Variants in HS3ST4 observed in about 807,000 individuals in gnomAD.
HS3ST4 encodes the protein heparan sulfate glucosamine 3-O-sulfotransferase 4.
In HS3ST4, 17 loss-of-function variants were observed where a neutral mutation model predicts 29.2. The observed-to-expected ratio is 0.58, with a 90% CI of 0.40 to 0.87. The LOEUF is 0.87. HS3ST4 is among the 40% of genes least tolerant of loss of function. HS3ST4 has a pLI of 0.00. For missense variants in HS3ST4, 627 were observed against 634.5 expected, an observed-to-expected ratio of 0.99 and a Z score of 0.13; for synonymous variants, 314 against 285.7, an observed-to-expected ratio of 1.10 and a Z score of -1.00.
intron 1 of HS3ST4, among the ~76,000 whole-genome samples, chr16:25,709,801 C>T (rs753716209): frequency 6.6e-6 from 1 of 152,068 alleles, no homozygotes; most frequent in Non-Finnish European, 1.5e-5. Context: ...ATGGAATCTG[C>T]CCCTCAGAAA....
intron 1 of HS3ST4, among the ~76,000 whole-genome samples, chr16:25,839,025 A>G (rs1013300508): frequency 2.0e-5 from 3 of 152,200 alleles, no homozygotes; most frequent in Admixed American, 6.5e-5. Context: ...AAGTTGTCAG[A>G]TAACCATCAC....
intron 1 of HS3ST4, among the ~76,000 whole-genome samples, chr16:25,908,237 A>T (rs1341176788): frequency 6.6e-6 from 1 of 152,234 alleles, no homozygotes; most frequent in Non-Finnish European, 1.5e-5. Flanking sequence ...ATATGAAACA[A>T]TGAGCAGGGA....
chr16:25,836,132 T>A (rs1967354073), intron 1 of HS3ST4, among the ~76,000 whole-genome samples: 1 of 152,038 alleles, frequency 6.6e-6, no homozygotes. Flanking sequence ...CCAGGTGGCC[T>A]CCCCTCGCCA....
At chr16:26,021,616 T>C (rs1424860239) in intron 1 of HS3ST4, among the ~76,000 whole-genome samples, 1 of 152,094 alleles carries the variant, frequency 6.6e-6, no homozygotes, top group Non-Finnish European at 1.5e-5. Flanking sequence ...TGCGGCCCCT[T>C]CCCATACAAA....
intron 1 of HS3ST4, among the ~76,000 whole-genome samples, chr16:25,754,430 C>CCCATCCACCTATCCAT (rs1966742616): frequency 6.6e-6 from 1 of 151,726 alleles, no homozygotes; most frequent in African/African-American, 2.4e-5. Flanking sequence ...TCACCTACCA[C>CCCATCCACCTATCCAT]CCATCCATCT....
chr16:26,008,399 T>C (rs1057142108), intron 1 of HS3ST4, among the ~76,000 whole-genome samples: 3 of 152,212 alleles, frequency 2.0e-5, no homozygotes, highest in African/African-American at 4.8e-5. Context: ...GGCTGTTTTT[T>C]CACCCTGACA....
intron 1 of HS3ST4, among the ~76,000 whole-genome samples, chr16:25,742,710 C>T (rs118102741): frequency 0.027 from 4,035 of 152,214 alleles, 80 homozygotes; most frequent in Non-Finnish European, 0.039. Flanking sequence ...TAGCTGCTGC[C>T]GACCTTTTGT....
At position 25,853,163 on chromosome 16, in the gene HS3ST4, T is replaced by G. The variant is rs1351248394; in HGVS notation, c.734+160012T>G. Among the ~76,000 whole-genome samples the G allele has an allele frequency of 2.0e-5, 3 of 152,180 alleles. No homozygotes were observed. In the East Asian group the frequency reaches 5.8e-4, roughly 29 times the overall value. The stretch of plus-strand genomic sequence containing the variant: ...TAAAATGCTTTTGTAAATGAAATTG[T>G]TTTCTTAATTTCTTTTTAAGAGAGT... On this transcript the variant is annotated intron_variant, in intron 1 of 1. Coordinates refer to ENST00000331351, the MANE Select transcript of HS3ST4 (RefSeq NM_006040.3).
chr16:25,810,304 C>G (rs1967030351), intron 1 of HS3ST4, among the ~76,000 whole-genome samples: 1 of 151,896 alleles, frequency 6.6e-6, no homozygotes, highest in South Asian at 2.1e-4. Context: ...TAGTTTGGTT[C>G]CATTGTGGTG....
chr16:25,883,769 A>C (rs1262166146), intron 1 of HS3ST4, among the ~76,000 whole-genome samples: 1 of 152,212 alleles, frequency 6.6e-6, no homozygotes, highest in Non-Finnish European at 1.5e-5. Flanking sequence ...TGCAGATGGG[A>C]AAACTGAGAC....
At chr16:25,776,992 C>CT (rs1966848084) in intron 1 of HS3ST4, among the ~76,000 whole-genome samples, 1 of 152,240 alleles carries the variant, frequency 6.6e-6, no homozygotes, top group Admixed American at 6.5e-5. Flanking sequence ...TTACAGGATA[C>CT]TTTTTTCCAT....
At chr16:26,056,321 G>T (rs1336094762) in intron 1 of HS3ST4, among the ~76,000 whole-genome samples, 2 of 152,200 alleles carry the variant, frequency 1.3e-5, no homozygotes, top group East Asian at 3.8e-4. Context: ...ATTGGTGCAA[G>T]AATGGCTGTC....
intron 1 of HS3ST4, among the ~76,000 whole-genome samples, chr16:26,086,430 A>G (rs1898788023): frequency 6.6e-6 from 1 of 152,030 alleles, no homozygotes; most frequent in Admixed American, 6.5e-5. Context: ...GCTCACTGCA[A>G]GCTCCGCCTC....
At chr16:25,778,761 G>T (rs1370529847) in intron 1 of HS3ST4, among the ~76,000 whole-genome samples, 1 of 152,002 alleles carries the variant, frequency 6.6e-6, no homozygotes, top group Non-Finnish European at 1.5e-5. Flanking sequence ...AGGAGGAGGA[G>T]AAGAAGGAGA....
chr16:26,006,906 T>C (rs1057439387), intron 1 of HS3ST4, among the ~76,000 whole-genome samples: 7 of 152,232 alleles, frequency 4.6e-5, no homozygotes, highest in Non-Finnish European at 8.8e-5. Context: ...TCATTTAAAC[T>C]ACAAATTAAA....
chr16:25,792,523 T>C (rs1209236531), intron 1 of HS3ST4, among the ~76,000 whole-genome samples: 2 of 151,918 alleles, frequency 1.3e-5, no homozygotes, highest in Non-Finnish European at 2.9e-5. Context: ...CCTGCATCAG[T>C]TTTGCTAAAT....
intron 1 of HS3ST4, among the ~76,000 whole-genome samples, chr16:26,107,044 A>C (rs1366152074): frequency 6.7e-6 from 1 of 149,646 alleles, no homozygotes; most frequent in African/African-American, 2.5e-5. Flanking sequence ...CTCTTTTCCA[A>C]CTCTCTGAGG....
At chr16:25,756,970 C>A (rs1214610357) in intron 1 of HS3ST4, among the ~76,000 whole-genome samples, 1 of 152,138 alleles carries the variant, frequency 6.6e-6, no homozygotes, top group Non-Finnish European at 1.5e-5. Context: ...TTTAATATGA[C>A]CAAGAGCAAC....
At chr16:25,741,365 TAAAAAA>T (rs66788248) in intron 1 of HS3ST4, among the ~76,000 whole-genome samples, 1 of 66,186 alleles carries the variant, frequency 1.5e-5, no homozygotes, top group African/African-American at 6.1e-5. Context: ...GAATTCAAGG[TAAAAAA>T]AAAAAAAAAA....
Sources: allele counts gnomAD v4.1 joint callset (sites outside exome capture counted in the v4.1 genomes callset), GRCh38; gene constraint gnomAD v4.1.1; transcripts MANE v1.5; gene names NCBI Gene and HGNC (gene_info 2026-07-23, HGNC 2026-07-21).